FHIT: variants seen among roughly 807,000 people sequenced by gnomAD.
FHIT encodes the protein fragile histidine triad diadenosine triphosphatase, also known as bis(5'-adenosyl)-triphosphatase.
In FHIT, 19 loss-of-function variants were observed where a neutral mutation model predicts 17.9. The ratio of observed to expected loss-of-function variants is 1.06; its 90% CI spans 0.74 to 1.56. The LOEUF (loss-of-function observed/expected upper bound fraction) is 1.56. FHIT is among the 40% of genes most tolerant of loss of function. The probability of loss-of-function intolerance (pLI) is 0.00; values close to 1 mark genes in which losing one functional copy is unlikely to be tolerated. For missense variants in FHIT, 248 were observed against 189.2 expected (o/e 1.31, Z -1.82); for synonymous variants, 81 against 69.7 (o/e 1.16, Z -0.81).
At chr3:59,919,358 T>C (rs1705295018) in intron 8 of FHIT, among the ~76,000 whole-genome samples, 1 of 152,192 alleles carries the variant, frequency 6.6e-6, no homozygotes, top group Non-Finnish European at 1.5e-5. Flanking sequence ...TATCTGCCAC[T>C]TTGTAGTCCG....
chr3:60,380,808 C>T (rs371627749), intron 5 of FHIT, among the ~76,000 whole-genome samples: 2 of 152,190 alleles, frequency 1.3e-5, no homozygotes, highest in African/African-American at 4.8e-5. Flanking sequence ...ACCATTTTAT[C>T]CATCATAGGT....
chr3:60,789,175 TAGAG>T (rs59757824), intron 4 of FHIT, among the ~76,000 whole-genome samples: 1,917 of 102,538 alleles, frequency 0.019, 33 homozygotes, highest in African/African-American at 0.049. Context: ...TATATATATA[TAGAG>T]AGAGAGAGAG....
At chr3:59,992,794 A>C (rs1353323235) in intron 7 of FHIT, among the ~76,000 whole-genome samples, 3 of 152,050 alleles carry the variant, frequency 2.0e-5, no homozygotes, top group African/African-American at 7.2e-5. Flanking sequence ...CAGAGAGAAC[A>C]CGTGAAAGTC....
chr3:60,094,979 C>T (rs1703882508), intron 5 of FHIT, among the ~76,000 whole-genome samples: 1 of 152,154 alleles, frequency 6.6e-6, no homozygotes, highest in African/African-American at 2.4e-5. Context: ...TGATCATGAT[C>T]AGAAGCAGGG....
At chr3:60,549,836 A>T (rs546705363) in intron 4 of FHIT, among the ~76,000 whole-genome samples, 87 of 152,298 alleles carry the variant, frequency 5.7e-4, no homozygotes, top group African/African-American at 1.9e-3. Flanking sequence ...TAACTAGAAA[A>T]ATAAAGTTGT....
chr3:59,944,027 G>A (rs1242878185), intron 7 of FHIT, among the ~76,000 whole-genome samples: 2 of 152,152 alleles, frequency 1.3e-5, no homozygotes, highest in Non-Finnish European at 2.9e-5. Context: ...CTAGGACTCA[G>A]TACTAGGTAC....
chr3:60,287,647 T>C (rs75187470), intron 5 of FHIT, among the ~76,000 whole-genome samples: 2,908 of 152,232 alleles, frequency 0.019, 40 homozygotes, highest in Non-Finnish European at 0.03. Context: ...GGATCAAGTG[T>C]GGAAAGAGAA....
intron 3 of FHIT, among the ~76,000 whole-genome samples, chr3:60,936,725 T>C (rs1316013040): frequency 1.3e-5 from 2 of 152,222 alleles, no homozygotes; most frequent in African/African-American, 2.4e-5. Context: ...TGGTAGCATT[T>C]AGATTTGTAA....
At chr3:59,837,527 AGGGCC>A (rs1216489649) in intron 8 of FHIT, among the ~76,000 whole-genome samples, 1 of 151,780 alleles carries the variant, frequency 6.6e-6, no homozygotes, top group Non-Finnish European at 1.5e-5. Flanking sequence ...ATGGATATGG[AGGGCC>A]AACTGTAAAC....
At chr3:60,871,815 GTATT>G (rs771211120) in intron 3 of FHIT, among the ~76,000 whole-genome samples, 14 of 151,744 alleles carry the variant, frequency 9.2e-5, no homozygotes, top group African/African-American at 2.9e-4. Flanking sequence ...TTTTTTGAAT[GTATT>G]TATTTATTTA....
chr3:60,762,525 T>C lies in FHIT; in HGVS notation c.-18+59394A>G, dbSNP rs927126756. Reference sequence around the variant, plus strand: ...AAAGATAGAAGGAACTGTGTCCCGCTGGCACTTTGAACTTCTTGAGGCATC... The same window carrying C: ...AAAGATAGAAGGAACTGTGTCCCGCCGGCACTTTGAACTTCTTGAGGCATC... On this transcript the variant is annotated intron_variant, in intron 4 of 9. Transcript: ENST00000492590. 1.5e-4 allele frequency among the ~76,000 whole-genome samples: 23 copies of C among 152,316 alleles called. No individual in the cohort carries two copies. In the Middle Eastern group the frequency reaches 0.02, roughly 135 times the overall value.
intron 5 of FHIT, among the ~76,000 whole-genome samples, chr3:60,207,718 T>C (rs576368323): frequency 3.3e-5 from 5 of 152,296 alleles, no homozygotes; most frequent in Admixed American, 1.3e-4. Flanking sequence ...GTTCCACTCA[T>C]TGTTTCTATA....
intron 5 of FHIT, among the ~76,000 whole-genome samples, chr3:60,481,398 G>A (rs762653892): frequency 2.6e-5 from 4 of 152,066 alleles, no homozygotes; most frequent in South Asian, 2.1e-4. Context: ...TTGAAATGAA[G>A]GAAAGAATGT....
chr3:61,229,931 C>T (rs1026235486), intron 1 of FHIT, among the ~76,000 whole-genome samples: 2 of 152,108 alleles, frequency 1.3e-5, no homozygotes, highest in Non-Finnish European at 2.9e-5. Context: ...CCTTCTAGAT[C>T]AACCCAGTAA....
intron 5 of FHIT, among the ~76,000 whole-genome samples, chr3:60,252,581 A>C (rs990502403): frequency 3.3e-5 from 5 of 151,904 alleles, no homozygotes; most frequent in Non-Finnish European, 5.9e-5. Flanking sequence ...AAAATAAATA[A>C]ATAGAAGGAA....
chr3:60,876,395 T>C (rs1704653854), intron 3 of FHIT, among the ~76,000 whole-genome samples: 1 of 152,190 alleles, frequency 6.6e-6, no homozygotes, highest in African/African-American at 2.4e-5. Flanking sequence ...GAATTTGATG[T>C]TTTTAAGTAG....
At chr3:59,864,594 T>TACAACCCGCAG (rs1157993597) in intron 8 of FHIT, among the ~76,000 whole-genome samples, 4 of 151,774 alleles carry the variant, frequency 2.6e-5, no homozygotes, top group Non-Finnish European at 5.9e-5. Context: ...CTGGCTGATC[T>TACAACCCGCAG]AGTATACAAC....
At chr3:60,925,689 G>A (rs1175981842) in intron 3 of FHIT, among the ~76,000 whole-genome samples, 10 of 152,110 alleles carry the variant, frequency 6.6e-5, no homozygotes, top group Admixed American at 2.6e-4. Context: ...CATAATGACA[G>A]GATCAAATTC....
rs191749515 is a variant in FHIT at position 60,796,828 on chromosome 3, C to G, written c.-18+25091G>C. 9.7e-4 allele frequency among the ~76,000 whole-genome samples: 147 copies of G among 152,282 alleles called. 4 individuals are homozygous for G. In the South Asian group the frequency reaches 0.029, roughly 30 times the overall value. On this transcript the variant is annotated intron_variant, in intron 4 of 9. Transcript: ENST00000492590. ...AACTCCTGACCTCTGGTGATCTGCC[C>G]ACCTCGGCCTCCCAGAGTATCAAAG...
Sources: allele counts gnomAD v4.1 joint callset (sites outside exome capture counted in the v4.1 genomes callset), GRCh38; gene constraint gnomAD v4.1.1; transcripts MANE v1.5; gene names NCBI Gene and HGNC (gene_info 2026-07-23, HGNC 2026-07-21).